Variants in NAALADL2 observed in about 807,000 individuals in gnomAD.
The protein encoded by NAALADL2 is inactive N-acetylated-alpha-linked acidic dipeptidase-like protein 2.
In NAALADL2, 76 loss-of-function variants were observed where a neutral mutation model predicts 87.2. That is an observed-to-expected ratio of 0.87 (90% CI 0.72 to 1.05). The LOEUF (loss-of-function observed/expected upper bound fraction) is 1.05. NAALADL2 is among the 50% of genes least tolerant of loss of function. The pLI is 0.00. For missense variants in NAALADL2, 1,089 were observed against 945.8 expected (o/e 1.15, Z -1.99); for synonymous variants, 354 against 331.0 (o/e 1.07, Z -0.75).
At chr3:175,791,631 CCTAAA>C (rs2108292796) in intron 13 of NAALADL2, among the ~76,000 whole-genome samples, 1 of 152,190 alleles carries the variant, frequency 6.6e-6, no homozygotes, top group African/African-American at 2.4e-5. Context: ...ACATTGATGT[CCTAAA>C]CTGACTATTT....
chr3:175,786,998 G>C (rs1487609911), intron 13 of NAALADL2, among the ~76,000 whole-genome samples: 5 of 151,628 alleles, frequency 3.3e-5, no homozygotes, highest in Non-Finnish European at 7.4e-5. Context: ...GCCCCTGCTG[G>C]GGGGTGCCTC....
chr3:175,305,373 A>G (rs1220371100), intron 4 of NAALADL2, among the ~76,000 whole-genome samples: 1 of 151,966 alleles, frequency 6.6e-6, no homozygotes, highest in Admixed American at 6.6e-5. Flanking sequence ...ACAATTTTTG[A>G]CTTTCAGAAT....
intron 1 of NAALADL2, among the ~76,000 whole-genome samples, chr3:174,962,866 T>C (rs529821570): frequency 3.0e-4 from 46 of 152,224 alleles, no homozygotes; most frequent in Non-Finnish European, 5.1e-4. Flanking sequence ...AATCTACTAA[T>C]GCTATATTTC....
At position 175,078,213 on chromosome 3, in the gene NAALADL2, C is replaced by T. The variant is rs942726063; in HGVS notation, c.44-18577C>T. 2.6e-5 allele frequency among the ~76,000 whole-genome samples: 4 copies of T among 151,706 alleles called. No individual in the cohort carries two copies. In the South Asian group the frequency reaches 6.2e-4, roughly 24 times the overall value. ...TTAATTTTTGTATTTTTATTACAGACGAAGTTTTGCCATGTTGCCCAGGCT... is the reference window on the plus strand; with the variant it reads ...TTAATTTTTGTATTTTTATTACAGATGAAGTTTTGCCATGTTGCCCAGGCT... On this transcript the variant is annotated intron_variant, in intron 1 of 13. Coordinates refer to ENST00000454872, the MANE Select transcript of NAALADL2 (RefSeq NM_207015.3).
intron 2 of NAALADL2, among the ~76,000 whole-genome samples, chr3:174,552,070 T>C (rs1256356532): frequency 6.6e-6 from 1 of 152,224 alleles, no homozygotes; most frequent in African/African-American, 2.4e-5. Context: ...TCTAGTGCCT[T>C]GTGGATACTA....
intron 5 of NAALADL2, among the ~76,000 whole-genome samples, chr3:175,389,560 G>A (rs1768828806): frequency 6.6e-6 from 1 of 152,198 alleles, no homozygotes; most frequent in Non-Finnish European, 1.5e-5. Flanking sequence ...TGCCCACAGT[G>A]AGGAGAAACA....
intron 5 of NAALADL2, among the ~76,000 whole-genome samples, chr3:175,394,059 A>C (rs1769439865): frequency 6.6e-6 from 1 of 152,200 alleles, no homozygotes; most frequent in Admixed American, 6.5e-5. Context: ...TTTCTAAGGC[A>C]TTTTTGAAGA....
chr3:174,822,105 A>G (rs867193882), intron 3 of NAALADL2, among the ~76,000 whole-genome samples: 1 of 152,146 alleles, frequency 6.6e-6, no homozygotes, highest in Non-Finnish European at 1.5e-5. Context: ...TAGGTTGACA[A>G]AAATAAGTGA....
chr3:175,354,593 A>C (rs1764135220), intron 5 of NAALADL2, among the ~76,000 whole-genome samples: 1 of 152,004 alleles, frequency 6.6e-6, no homozygotes, highest in South Asian at 2.1e-4. Context: ...AAAAATCGAA[A>C]ATTGATTTAC....
intron 1 of NAALADL2, among the ~76,000 whole-genome samples, chr3:174,873,833 CAT>C (rs961958556): frequency 2.0e-5 from 3 of 151,408 alleles, no homozygotes; most frequent in African/African-American, 7.3e-5. Context: ...TGGAAGGAAA[CAT>C]ATTGAAAGAG....
intron 2 of NAALADL2, among the ~76,000 whole-genome samples, chr3:175,233,423 TTTTTG>T (rs1005915195): frequency 6.6e-6 from 1 of 152,022 alleles, no homozygotes; most frequent in African/African-American, 2.4e-5. Context: ...TTAGTGGGTT[TTTTTG>T]TTTTGTTTTG....
chr3:175,728,853 C>G (rs1256394976), intron 11 of NAALADL2, among the ~76,000 whole-genome samples: 1 of 152,168 alleles, frequency 6.6e-6, no homozygotes, highest in Non-Finnish European at 1.5e-5. Context: ...CACAAGCTTA[C>G]TTCCCAGTAA....
At chr3:175,632,286 C>T (rs563236649) in intron 11 of NAALADL2, among the ~76,000 whole-genome samples, 1 of 85,780 alleles carries the variant, frequency 1.2e-5, no homozygotes, top group East Asian at 2.5e-4. Flanking sequence ...CTCTCTCTCT[C>T]TCTCTCTCTC....
chr3:174,764,135 C>T (rs1174896287), intron 3 of NAALADL2, among the ~76,000 whole-genome samples: 1 of 151,462 alleles, frequency 6.6e-6, no homozygotes, highest in African/African-American at 2.4e-5. Context: ...CTGCTATCAA[C>T]TATTTTTTAA....
chr3:175,206,258 A>T (rs1340626158), intron 2 of NAALADL2, among the ~76,000 whole-genome samples: 6 of 91,846 alleles, frequency 6.5e-5, no homozygotes, highest in African/African-American at 4.5e-4. Flanking sequence ...ATATATATAT[A>T]TATATTTTTT....
intron 9 of NAALADL2, among the ~76,000 whole-genome samples, chr3:175,478,770 G>GA (rs1726059069): frequency 1.3e-5 from 2 of 151,812 alleles, no homozygotes; most frequent in Non-Finnish European, 2.9e-5. Context: ...AGGTATTAGT[G>GA]AATCACTACT....
intron 5 of NAALADL2, among the ~76,000 whole-genome samples, chr3:175,435,053 T>G (rs1718391027): frequency 1.3e-5 from 2 of 152,004 alleles, no homozygotes; most frequent in South Asian, 4.1e-4. Context: ...GGGAATTAAT[T>G]ATCATATATA....
At chr3:175,029,844 G>A (rs934495529) in intron 1 of NAALADL2, among the ~76,000 whole-genome samples, 7 of 152,070 alleles carry the variant, frequency 4.6e-5, no homozygotes, top group Non-Finnish European at 1.0e-4. Context: ...CATTATCTGT[G>A]TGTGAGTGTT....
intron 2 of NAALADL2, among the ~76,000 whole-genome samples, chr3:174,699,082 A>G (rs573779371): frequency 8.5e-5 from 13 of 152,202 alleles, no homozygotes; most frequent in African/African-American, 2.9e-4. Context: ...TGAATAATGG[A>G]CCTTTACATT....
Sources: gnomAD v4.1 joint callset for allele counts (sites outside exome capture counted in the v4.1 genomes callset) on GRCh38, gnomAD v4.1.1 for gene constraint, MANE v1.5 for transcripts, NCBI Gene and HGNC (gene_info 2026-07-23, HGNC 2026-07-21) for gene names.